PATL1: variants seen among roughly 807,000 people sequenced by gnomAD.
The protein encoded by PATL1 is PAT1 homolog 1, processing body mRNA decay factor.
In PATL1, 32 loss-of-function variants were observed where a neutral mutation model predicts 100.6. The ratio of observed to expected loss-of-function variants is 0.32; its 90% CI spans 0.24 to 0.43. The LOEUF is 0.43. Among genes scored for constraint, PATL1 ranks in the 20% least tolerant of loss-of-function variants. PATL1 has a pLI of 1.00. For synonymous variants in PATL1, 332 were observed against 330.0 expected, an observed-to-expected ratio of 1.01 and a Z score of -0.07; for missense variants, 747 against 949.9, an observed-to-expected ratio of 0.79 and a Z score of 2.81.
chr11:59,668,410 C>G (rs1364972944), intron 1 of PATL1, among the ~76,000 whole-genome samples: 1 of 152,150 alleles, frequency 6.6e-6, no homozygotes, highest in African/African-American at 2.4e-5. Context: ...AAGCCCAGGC[C>G]CCCTTCACCT....
chr11:59,652,663 C>T, intron 10 of PATL1, 76 bp from the exon 11 acceptor site: 2 of 1,571,124 alleles, frequency 1.3e-6, no homozygotes, highest in Non-Finnish European at 1.7e-6. Context: ...TAATTTATGC[C>T]AGTGACAGTA....
rs1393667823 is a variant in PATL1, at chr11:59,656,578, T to G, written c.644A>C (p.His215Pro). The change falls in exon 6 of 19, where the codon CAT becomes CCT. Residue 215 changes from histidine (H) to proline (P), a missense_variant. Physicochemically the swap from His to Pro is moderately conservative, Grantham distance 77. This residue lies in a region of PATL1 where 127 missense variants were observed against 116.0 expected (regional missense o/e 1.09). Coordinates refer to ENST00000300146, the MANE Select transcript of PATL1 (RefSeq NM_152716.3). Reference protein sequence around the residue: ...TQQILCPKPVHVRPPMPPRYP... With the variant: ...TQQILCPKPVPVRPPMPPRYP... ...ACGAGGTGGCATTGGGGGCCGAACA[T>G]GGACAGGCTTCGGACACAGAATCTA... 2 of 1,613,850 alleles carry G rather than the reference T, an allele frequency of 1.2e-6. No homozygotes were observed. The highest frequency in any genetic ancestry group is 1.3e-5 in the African/African-American group (1 of 74,908).
At chr11:59,660,652 G>C (rs979447803) in intron 2 of PATL1, among the ~76,000 whole-genome samples, 8 of 152,132 alleles carry the variant, frequency 5.3e-5, no homozygotes, top group African/African-American at 1.9e-4. Context: ...GAGCAGGGTG[G>C]GGAGAGTAGA....
At chr11:59,668,769 T>C in intron 1 of PATL1, 112 bp downstream of exon 1, 2 of 553,444 alleles carry the variant, frequency 3.6e-6, no homozygotes, top group Non-Finnish European at 6.5e-6. Flanking sequence ...GTCCTGCGAC[T>C]CCCCCAGCCC....
At chr11:59,650,068 C>T (rs1187428172) in intron 13 of PATL1, among the ~76,000 whole-genome samples, 1 of 150,120 alleles carries the variant, frequency 6.7e-6, no homozygotes, top group Non-Finnish European at 1.5e-5. Context: ...TTGCAGTGAG[C>T]CAAGATCTCG....
At chr11:59,660,184 T>C (rs1316271728) in intron 2 of PATL1, among the ~76,000 whole-genome samples, 1 of 152,234 alleles carries the variant, frequency 6.6e-6, no homozygotes, top group East Asian at 1.9e-4. Context: ...TCTTAGATTT[T>C]AAGTGCCACA....
intron 5 of PATL1, chr11:59,656,973 C>T: frequency 4.8e-6 from 3 of 630,158 alleles, no homozygotes; most frequent in Non-Finnish European, 5.9e-6. Flanking sequence ...TCTGAAGCCC[C>T]TGTGATATGG....
At chr11:59,667,941 G>A (rs1861713443) in intron 1 of PATL1, among the ~76,000 whole-genome samples, 1 of 152,158 alleles carries the variant, frequency 6.6e-6, no homozygotes, top group African/African-American at 2.4e-5. Flanking sequence ...GTACGTTTGT[G>A]ATACACCTTG....
At chr11:59,664,876 T>G (rs1861667166) in intron 2 of PATL1, among the ~76,000 whole-genome samples, 1 of 152,266 alleles carries the variant, frequency 6.6e-6, no homozygotes, top group South Asian at 2.1e-4. Context: ...TAGCTTATTG[T>G]GTCCTACTGA....
At chr11:59,664,235 C>T (rs114008810) in intron 2 of PATL1, among the ~76,000 whole-genome samples, 89 of 152,154 alleles carry the variant, frequency 5.8e-4, no homozygotes, top group African/African-American at 2.1e-3. Context: ...TTCTTCTTTC[C>T]CATCATATAA....
intron 2 of PATL1, among the ~76,000 whole-genome samples, chr11:59,660,589 G>A (rs1231859165): frequency 1.3e-5 from 2 of 152,174 alleles, no homozygotes; most frequent in East Asian, 1.9e-4. Context: ...GCCTTAAGGT[G>A]AGAGATTGAT....
At chr11:59,662,092 TCA>T (rs1257973523) in intron 2 of PATL1, among the ~76,000 whole-genome samples, 1 of 152,224 alleles carries the variant, frequency 6.6e-6, no homozygotes, top group Non-Finnish European at 1.5e-5. Flanking sequence ...CAACGATGTA[TCA>T]CATAATACTA....
intron 5 of PATL1, chr11:59,657,245 A>T (rs1861549290): frequency 1.5e-6 from 1 of 689,496 alleles, no homozygotes; most frequent in Admixed American, 6.3e-5. Context: ...TCTCTCTGAC[A>T]ATGTTTTGGG....
chr11:59,640,296 G>A (rs889618756), intron 16 of PATL1, among the ~76,000 whole-genome samples: 1 of 148,168 alleles, frequency 6.7e-6, no homozygotes, highest in African/African-American at 2.5e-5. Context: ...AGCCAAGATC[G>A]CACCATTGCG....
At chr11:59,654,174 G>A in intron 8 of PATL1, 102 bp from the exon 9 acceptor site, 1 of 1,040,694 alleles carries the variant, frequency 9.6e-7, no homozygotes, top group Non-Finnish European at 1.5e-6. Flanking sequence ...GTTAACTTAA[G>A]GGACTACAAA....
chr11:59,639,679 C>T (rs935496054), intron 16 of PATL1: 1 of 229,130 alleles, frequency 4.4e-6, no homozygotes, highest in Non-Finnish European at 8.5e-6. Context: ...TTTTTCCTTG[C>T]CATGGATAAT....
chr11:59,660,733 T>C (rs1011644566), intron 2 of PATL1, among the ~76,000 whole-genome samples: 3 of 152,170 alleles, frequency 2.0e-5, no homozygotes, highest in African/African-American at 7.2e-5. Context: ...GGGAAGCCAA[T>C]GGAAATTTTC....
chr11:59,649,117 G>T (rs1438010873), intron 14 of PATL1, among the ~76,000 whole-genome samples: 1 of 152,148 alleles, frequency 6.6e-6, no homozygotes, highest in African/African-American at 2.4e-5. Flanking sequence ...AATATATAAA[G>T]ATTACAAGGT....
intron 16 of PATL1, among the ~76,000 whole-genome samples, chr11:59,641,570 T>C (rs1043759496): frequency 6.6e-6 from 1 of 152,118 alleles, no homozygotes; most frequent in East Asian, 1.9e-4. Flanking sequence ...CTGGACAACA[T>C]GGCGAAACCC....
Sources: allele counts gnomAD v4.1 joint callset (sites outside exome capture counted in the v4.1 genomes callset), GRCh38; gene constraint gnomAD v4.1.1; regional missense constraint gnomAD v4.1.1; transcripts MANE v1.5; gene names NCBI Gene and HGNC (gene_info 2026-07-23, HGNC 2026-07-21).